The following CDK8 variants were observed in gnomAD, a reference collection of about 807,000 sequenced individuals.
CDK8 encodes the protein cyclin-dependent kinase 8.
Under a neutral mutation model 71.5 loss-of-function variants are expected in CDK8, and 29 were observed. The ratio of observed to expected loss-of-function variants is 0.41; its 90% CI spans 0.30 to 0.55. The LOEUF is 0.55. CDK8 is among the 20% of genes least tolerant of loss of function. The pLI is 0.37. For synonymous variants in CDK8, 161 were observed against 192.1 expected, an observed-to-expected ratio of 0.84 and a Z score of 1.34; for missense variants, 288 against 572.6, an observed-to-expected ratio of 0.50 and a Z score of 5.07.
chr13:26,280,394 A>T (rs1392387217), intron 1 of CDK8, among the ~76,000 whole-genome samples: 1 of 152,220 alleles, frequency 6.6e-6, no homozygotes, highest in Non-Finnish European at 1.5e-5. Context: ...AGGATTTGGT[A>T]TGCATAGATG....
intron 1 of CDK8, among the ~76,000 whole-genome samples, chr13:26,313,009 C>A (rs533258075): frequency 6.6e-6 from 1 of 152,288 alleles, no homozygotes; most frequent in East Asian, 1.9e-4. Context: ...TTATATCAAG[C>A]TCATTTTCTC....
At chr13:26,362,237 TGGA>T (rs1235662054) in intron 4 of CDK8, among the ~76,000 whole-genome samples, 43 of 150,836 alleles carry the variant, frequency 2.9e-4, no homozygotes, top group Non-Finnish European at 1.3e-4. Flanking sequence ...GATGGATGGA[TGGA>T]TGGATGGATG....
intron 3 of CDK8, among the ~76,000 whole-genome samples, chr13:26,352,210 T>G (rs1873708922): frequency 6.6e-6 from 1 of 152,012 alleles, no homozygotes; most frequent in Non-Finnish European, 1.5e-5. Context: ...ATCTTCTTCT[T>G]GTTTTTTTTG....
At chr13:26,255,608 A>T (rs1018373955) in intron 1 of CDK8, among the ~76,000 whole-genome samples, 1 of 152,232 alleles carries the variant, frequency 6.6e-6, no homozygotes, top group African/African-American at 2.4e-5. Flanking sequence ...ATGTCTTGTA[A>T]TATTGACAAA....
At chr13:26,378,093 A>C (rs750599583) in intron 4 of CDK8, among the ~76,000 whole-genome samples, 5 of 152,222 alleles carry the variant, frequency 3.3e-5, no homozygotes, top group Non-Finnish European at 7.3e-5. Flanking sequence ...ATATCTGAAG[A>C]CTTCATTTCA....
At chr13:26,268,516 A>G (rs1042845887) in intron 1 of CDK8, among the ~76,000 whole-genome samples, 1 of 151,930 alleles carries the variant, frequency 6.6e-6, no homozygotes, top group Non-Finnish European at 1.5e-5. Context: ...TAGTTTTGCC[A>G]TGTTGCCCAG....
In CDK8 at chr13:26,401,739, C is replaced by A; in HGVS notation, c.1269+115C>A. On this transcript the variant is annotated intron_variant, in intron 12 of 12. Coordinates refer to ENST00000381527, the MANE Select transcript of CDK8 (RefSeq NM_001260.3). This position sits in a 1 kb window ranked among gnomAD's most constrained non-coding sequence, Gnocchi z 4.5. The stretch of plus-strand genomic sequence containing the variant: ...TGACGTCTGTATACCCAGGGAAATA[C>A]ATTAACATGAAATGTTACTGGCATG... 9.3e-7 allele frequency: 1 copy of A among 1,069,614 alleles called. No individual in the cohort carries two copies. Among genetic ancestry groups the A allele is most frequent in the Non-Finnish European group, 1.4e-6 (1 of 721,664 alleles). The allele number at this position is 1,069,614 out of a possible 1,614,324, so 66.3% of individuals were successfully genotyped here.
At chr13:26,331,039 C>G (rs1450340989) in intron 1 of CDK8, among the ~76,000 whole-genome samples, 1 of 152,094 alleles carries the variant, frequency 6.6e-6, no homozygotes, top group African/African-American at 2.4e-5. Flanking sequence ...AGTGGCTGTA[C>G]TAGTTTACAT....
intron 1 of CDK8, among the ~76,000 whole-genome samples, chr13:26,313,549 G>C (rs1004047403): frequency 1.3e-5 from 2 of 152,154 alleles, no homozygotes; most frequent in African/African-American, 4.8e-5. Flanking sequence ...TTGGGATACG[G>C]GACTAAAATC....
At chr13:26,311,449 G>A (rs1329629654) in intron 1 of CDK8, among the ~76,000 whole-genome samples, 1 of 152,168 alleles carries the variant, frequency 6.6e-6, no homozygotes, top group East Asian at 1.9e-4. Context: ...GATTTAAACC[G>A]TAAGGAGATT....
At chr13:26,274,577 G>A (rs1265827213) in intron 1 of CDK8, among the ~76,000 whole-genome samples, 1 of 151,492 alleles carries the variant, frequency 6.6e-6, no homozygotes, top group Non-Finnish European at 1.5e-5. Context: ...GACTACAGGC[G>A]CCCGCCACCA....
intron 1 of CDK8, among the ~76,000 whole-genome samples, chr13:26,335,102 T>G (rs1311451431): frequency 6.6e-6 from 1 of 152,200 alleles, no homozygotes; most frequent in African/African-American, 2.4e-5. Context: ...TCTTCCATCT[T>G]AAGAAATAAT....
intron 4 of CDK8, among the ~76,000 whole-genome samples, chr13:26,357,940 G>A (rs1252434823): frequency 1.3e-5 from 2 of 152,114 alleles, no homozygotes; most frequent in Non-Finnish European, 2.9e-5. Context: ...AAACATTCAC[G>A]GAAACATTCA....
chr13:26,306,893 T>C (rs993934156), intron 1 of CDK8, among the ~76,000 whole-genome samples: 1 of 152,164 alleles, frequency 6.6e-6, no homozygotes, highest in Admixed American at 6.5e-5. Context: ...CCTCCCAAAG[T>C]GCTGGGATTA....
chr13:26,388,629 C>G (rs540083061), intron 6 of CDK8, among the ~76,000 whole-genome samples: 1 of 152,210 alleles, frequency 6.6e-6, no homozygotes, highest in Non-Finnish European at 1.5e-5. Context: ...ACTTGTGACT[C>G]TGGCTCACTG....
chr13:26,271,327 C>CA (rs999727517), intron 1 of CDK8, among the ~76,000 whole-genome samples: 6 of 152,110 alleles, frequency 3.9e-5, no homozygotes, highest in Non-Finnish European at 7.4e-5. Flanking sequence ...AGAGCATACT[C>CA]AGACACCTAG....
chr13:26,351,523 G>T (rs1407167826), intron 3 of CDK8, among the ~76,000 whole-genome samples: 1 of 152,052 alleles, frequency 6.6e-6, no homozygotes, highest in East Asian at 1.9e-4. Flanking sequence ...TTATAAACAA[G>T]ATTTGTGATA....
intron 4 of CDK8, among the ~76,000 whole-genome samples, chr13:26,354,878 T>C (rs1873827851): frequency 6.6e-6 from 1 of 152,238 alleles, no homozygotes; most frequent in African/African-American, 2.4e-5. Flanking sequence ...TGCCCTTTCT[T>C]ACTACATAAT....
At chr13:26,370,202 A>G (rs1874600904) in intron 4 of CDK8, among the ~76,000 whole-genome samples, 1 of 152,252 alleles carries the variant, frequency 6.6e-6, no homozygotes, top group South Asian at 2.1e-4. Context: ...CCTGATAAAG[A>G]TAATGCCTAC....
Sources: allele counts gnomAD v4.1 joint callset (sites outside exome capture counted in the v4.1 genomes callset), GRCh38; gene constraint gnomAD v4.1.1; non-coding constraint Gnocchi (gnomAD v3.1); transcripts MANE v1.5; gene names NCBI Gene and HGNC (gene_info 2026-07-23, HGNC 2026-07-21).